The following PTDSS1 variants were observed in gnomAD, a reference collection of about 807,000 sequenced individuals.
PTDSS1 encodes PSS-1.
A neutral mutation model predicts 70.5 loss-of-function variants in PTDSS1; 45 were observed. The ratio of observed to expected loss-of-function variants is 0.64; its 90% CI spans 0.50 to 0.82. The LOEUF (loss-of-function observed/expected upper bound fraction) is 0.82. Ranked by LOEUF, PTDSS1 falls within the 40% of genes least tolerant of loss-of-function variation. The probability of loss-of-function intolerance (pLI) is 0.00; values close to 1 mark genes in which losing one functional copy is unlikely to be tolerated. For synonymous variants in PTDSS1, 188 were observed against 203.8 expected (o/e 0.92, Z 0.66); for missense variants, 417 against 586.1 (o/e 0.71, Z 2.98).
chr8:96,284,007 A>T, intron 2 of PTDSS1, 102 bp from the exon 3 acceptor site: 4 of 876,872 alleles, frequency 4.6e-6, no homozygotes, highest in South Asian at 1.7e-5. Context: ...AACAGTAGAG[A>T]GCTTTTTCTT....
intron 5 of PTDSS1, 95 bp downstream of exon 5, chr8:96,295,351 T>G: frequency 3.0e-6 from 4 of 1,321,904 alleles, no homozygotes; most frequent in Non-Finnish European, 4.0e-6. Context: ...GTTAATCCGT[T>G]CTCCAGCCCC....
chr8:96,278,437 C>G (rs1810681394), intron 2 of PTDSS1, among the ~76,000 whole-genome samples: 1 of 152,142 alleles, frequency 6.6e-6, no homozygotes, highest in Admixed American at 6.5e-5. Flanking sequence ...TCCCAGAGTT[C>G]TTTCATTCAG....
At chr8:96,276,756 C>CGAAA (rs746674281) in intron 2 of PTDSS1, among the ~76,000 whole-genome samples, 22 of 152,088 alleles carry the variant, frequency 1.4e-4, no homozygotes, top group Non-Finnish European at 3.1e-4. Flanking sequence ...CTTGTCTTTT[C>CGAAA]CCCCATGGTG....
chr8:96,294,752 T>A (rs1177433368), intron 4 of PTDSS1, among the ~76,000 whole-genome samples: 1 of 152,222 alleles, frequency 6.6e-6, no homozygotes, highest in East Asian at 1.9e-4. Flanking sequence ...TTGGGAATCT[T>A]TTATTTGTGC....
intron 2 of PTDSS1, among the ~76,000 whole-genome samples, chr8:96,276,980 G>GCA (rs57116529): frequency 0.025 from 3,579 of 145,974 alleles, 53 homozygotes; most frequent in Non-Finnish European, 0.034. Context: ...GCACGCGCGC[G>GCA]CACACACACA....
At chr8:96,283,829 C>T (rs1810781455) in intron 2 of PTDSS1, 2 of 373,796 alleles carry the variant, frequency 5.4e-6, no homozygotes, top group Non-Finnish European at 9.6e-6. Context: ...AACATTGTTT[C>T]CATGGGAAAT....
chr8:96,276,961 T>TACAC (rs10658525), intron 2 of PTDSS1, among the ~76,000 whole-genome samples: 1 of 133,294 alleles, frequency 7.5e-6, no homozygotes, highest in African/African-American at 3.2e-5. Flanking sequence ...CCCGGGCACA[T>TACAC]ACACGCGCGC....
Position 96,295,224 on chromosome 8 carries a change from T to A in PTDSS1, c.568T>A (p.Trp190Arg). Residue 190 changes from tryptophan (W) to arginine (R), a missense_variant, in exon 5 of 13, where the codon TGG becomes AGG. This residue lies in a region of PTDSS1 where 272 missense variants were observed against 429.5 expected (regional missense o/e 0.63). Coordinates refer to ENST00000517309, the MANE Select transcript of PTDSS1 (RefSeq NM_014754.3). ...ALLIRSYGLCWTISITWELTE... is the reference protein window; with the variant it reads ...ALLIRSYGLCRTISITWELTE... ...GCTGATCCGTAGTTACGGTCTCTGC[T>A]GGACAATCAGTATTACCTGGGAGCT... The A allele has an allele frequency of 6.2e-7, 1 of 1,614,154 alleles. No individual in the cohort carries two copies. Among genetic ancestry groups the A allele is most frequent in the Non-Finnish European group, 8.5e-7 (1 of 1,179,992 alleles).
chr8:96,321,342 A>G (rs1811370138), intron 10 of PTDSS1, among the ~76,000 whole-genome samples: 1 of 152,248 alleles, frequency 6.6e-6, no homozygotes, highest in South Asian at 2.1e-4. Flanking sequence ...ATTCCTTAAT[A>G]TCATCAAATA....
intron 11 of PTDSS1, chr8:96,330,642 G>A (rs1811502000): frequency 5.4e-6 from 2 of 367,356 alleles, no homozygotes; most frequent in Non-Finnish European, 1.0e-5. Flanking sequence ...CCGGCCTGTG[G>A]CTCTTCTGGG....
chr8:96,333,755 G>A lies in PTDSS1; in HGVS notation c.*189G>A. On this transcript the variant is annotated 3_prime_UTR_variant, in exon 13 of 13. Coordinates refer to ENST00000517309, the MANE Select transcript of PTDSS1 (RefSeq NM_014754.3). ...ACCTGGCCGCGTCAGGCAGATCATC[G>A]CCTGGGGGGCCTTTGCCAACGTGGG... The A allele has an allele frequency of 1.4e-6, 1 of 716,272 alleles. No individual in the cohort carries two copies. The highest frequency in any genetic ancestry group is 2.5e-6 in the Non-Finnish European group (1 of 397,450). 44.4% of individuals were successfully genotyped at this position (716,272 alleles called of 1,614,324 possible). A position where few individuals can be genotyped will look rare whatever the true frequency, so the allele number is the denominator to read the frequency against.
At chr8:96,326,455 C>A (rs1383264766) in intron 10 of PTDSS1, among the ~76,000 whole-genome samples, 2 of 152,208 alleles carry the variant, frequency 1.3e-5, no homozygotes, top group African/African-American at 4.8e-5. Flanking sequence ...GTCTCAAGCA[C>A]CGTGCCTGGT....
chr8:96,297,840 G>T (rs1810996819), intron 5 of PTDSS1, among the ~76,000 whole-genome samples: 1 of 152,248 alleles, frequency 6.6e-6, no homozygotes, highest in Non-Finnish European at 1.5e-5. Flanking sequence ...CCTCAAGAGG[G>T]CAGGGCCCAT....
Position 96,331,772 on chromosome 8 carries a change from C to A in PTDSS1, c.1312+677C>A, listed in dbSNP as rs189626336. Reference sequence around the variant, plus strand: ...TGAACAGGAAGAACTGTATATCCGGCCAGGCACAGTGGCTCACGCCTGTAA... The same window carrying A: ...TGAACAGGAAGAACTGTATATCCGGACAGGCACAGTGGCTCACGCCTGTAA... On this transcript the variant is annotated intron_variant, in intron 12 of 12. Transcript: ENST00000517309. Among the ~76,000 whole-genome samples, 274 of 152,088 alleles carry A rather than the reference C, an allele frequency of 1.8e-3. 1 individual carries two copies. Among genetic ancestry groups the A allele is most frequent in the Non-Finnish European group, 4.7e-4 (32 of 67,984 alleles).
chr8:96,320,567 C>T (rs144736608), intron 10 of PTDSS1, among the ~76,000 whole-genome samples: 9 of 152,266 alleles, frequency 5.9e-5, no homozygotes, highest in African/African-American at 9.6e-5. Context: ...TCCAGTCAAA[C>T]GCCTTCGACA....
intron 4 of PTDSS1, among the ~76,000 whole-genome samples, chr8:96,294,262 T>C (rs137962963): frequency 6.2e-4 from 94 of 152,328 alleles, no homozygotes; most frequent in African/African-American, 2.1e-3. Context: ...TTATAGTTTA[T>C]AGGAATTTTT....
chr8:96,268,732 G>T (rs974776012), intron 1 of PTDSS1, among the ~76,000 whole-genome samples: 2 of 151,256 alleles, frequency 1.3e-5, no homozygotes, highest in African/African-American at 4.9e-5. Context: ...CTGAAACAAT[G>T]CTCTGCAGAA....
At chr8:96,309,707 T>C in intron 9 of PTDSS1, 85 bp downstream of exon 9, 1 of 1,331,624 alleles carries the variant, frequency 7.5e-7, no homozygotes, top group Non-Finnish European at 1.1e-6. Context: ...GTTAAGAGCC[T>C]TTCAGTATAA....
chr8:96,292,306 A>AAG (rs1554583744), intron 4 of PTDSS1, among the ~76,000 whole-genome samples: 21 of 148,750 alleles, frequency 1.4e-4, no homozygotes, highest in East Asian at 3.9e-4. Context: ...AAAAAAAAAA[A>AAG]AAAAGAAAAG....
Sources: allele counts gnomAD v4.1 joint callset (sites outside exome capture counted in the v4.1 genomes callset), GRCh38; gene constraint gnomAD v4.1.1; regional missense constraint gnomAD v4.1.1; transcripts MANE v1.5; gene names NCBI Gene and HGNC (gene_info 2026-07-23, HGNC 2026-07-21).